LRRC4C: variants seen among roughly 807,000 people sequenced by gnomAD.
LRRC4C encodes the protein leucine-rich repeat-containing protein 4C.
A neutral mutation model predicts 33.6 loss-of-function variants in LRRC4C; 5 were observed. That is an observed-to-expected ratio of 0.15 (90% CI 0.08 to 0.31). The LOEUF (loss-of-function observed/expected upper bound fraction) is 0.31, where lower values mean the gene tolerates loss of function less well. Ranked by LOEUF, LRRC4C falls within the 10% of genes least tolerant of loss-of-function variation. The pLI is 1.00. For missense variants in LRRC4C, 560 were observed against 796.7 expected (o/e 0.70, Z 3.58); for synonymous variants, 329 against 302.0 (o/e 1.09, Z -0.93).
At chr11:41,072,023 A>G (rs1283398468) in intron 1 of LRRC4C, among the ~76,000 whole-genome samples, 1 of 152,096 alleles carries the variant, frequency 6.6e-6, no homozygotes, top group Non-Finnish European at 1.5e-5. Flanking sequence ...AAAAACTTGA[A>G]TGGATGAGGA....
intron 1 of LRRC4C, among the ~76,000 whole-genome samples, chr11:41,027,698 T>A (rs890081095): frequency 6.6e-6 from 1 of 151,694 alleles, no homozygotes; most frequent in Non-Finnish European, 1.5e-5. Context: ...TCTAGGCAAT[T>A]TTCCTAAAGA....
At chr11:41,176,151 C>A (rs1945189641) in intron 1 of LRRC4C, among the ~76,000 whole-genome samples, 1 of 152,140 alleles carries the variant, frequency 6.6e-6, no homozygotes, top group South Asian at 2.1e-4. Context: ...TGCCCAAAAA[C>A]TAACACAAAG....
chr11:41,212,759 C>T lies in LRRC4C; in HGVS notation c.-496+246672G>A, dbSNP rs139476171. On this transcript the variant is annotated intron_variant, in intron 1 of 6. Coordinates refer to ENST00000528697, the MANE Select transcript of LRRC4C (RefSeq NM_001258419.2). Reference sequence around the variant, plus strand: ...CTGCAAAGGACATGATATTGAGCTCCATTTATGTCCCTGCAAAGGACATGA... The same window carrying T: ...CTGCAAAGGACATGATATTGAGCTCTATTTATGTCCCTGCAAAGGACATGA... Among the ~76,000 whole-genome samples, 5 of 152,310 alleles carry T rather than the reference C, an allele frequency of 3.3e-5. No individual in the cohort carries two copies. In the South Asian group the frequency reaches 6.2e-4, roughly 19 times the overall value.
At chr11:40,198,384 GTCCAACGAT>G (rs1337403670) in intron 5 of LRRC4C, among the ~76,000 whole-genome samples, 1 of 152,164 alleles carries the variant, frequency 6.6e-6, no homozygotes, top group Non-Finnish European at 1.5e-5. Flanking sequence ...GGAAATCTAA[GTCCAACGAT>G]TCATTTACTT....
At chr11:40,405,469 C>G (rs1228674257) in intron 3 of LRRC4C, among the ~76,000 whole-genome samples, 2 of 151,542 alleles carry the variant, frequency 1.3e-5, no homozygotes, top group Non-Finnish European at 2.9e-5. Context: ...AACCCCGTCT[C>G]TACTAAAAAA....
intron 2 of LRRC4C, among the ~76,000 whole-genome samples, chr11:40,878,057 T>A (rs1954993693): frequency 6.6e-6 from 1 of 152,122 alleles, no homozygotes; most frequent in Non-Finnish European, 1.5e-5. Flanking sequence ...GTGATGTCTG[T>A]TTTTTAATCA....
chr11:40,501,412 G>A (rs761193781), intron 3 of LRRC4C, among the ~76,000 whole-genome samples: 15 of 152,128 alleles, frequency 9.9e-5, no homozygotes, highest in Non-Finnish European at 1.5e-4. Context: ...GCAGAGGTTC[G>A]CCATGAGTGC....
chr11:40,833,896 T>G (rs1342056220), intron 2 of LRRC4C, among the ~76,000 whole-genome samples: 1 of 152,168 alleles, frequency 6.6e-6, no homozygotes, highest in Non-Finnish European at 1.5e-5. Flanking sequence ...ATGCAAATCG[T>G]TGTATTTCTG....
chr11:40,456,426 A>G (rs886877764), intron 3 of LRRC4C, among the ~76,000 whole-genome samples: 2 of 152,030 alleles, frequency 1.3e-5, no homozygotes, highest in African/African-American at 4.8e-5. Context: ...AAAGTCAAGG[A>G]AATCTCCCAG....
In LRRC4C at chr11:41,281,165, G is replaced by A. The variant is rs554927391; in HGVS notation, c.-496+178266C>T. 2.0e-4 allele frequency among the ~76,000 whole-genome samples: 27 copies of A among 134,736 alleles called. No homozygotes were observed. In the South Asian group the frequency reaches 6.1e-3, roughly 30 times the overall value. The allele number at this position is 134,736 out of a possible 152,430, so 88.4% of individuals were successfully genotyped here. A position where few individuals can be genotyped will look rare whatever the true frequency, so the allele number is the denominator to read the frequency against. On this transcript the variant is annotated intron_variant, in intron 1 of 6. Transcript: ENST00000528697. ...ACATTCTTCCTGGGAATAAATCAAAGCACCCCCAGTAGTGCTAAAATCTAA... is the reference window on the plus strand; with the variant it reads ...ACATTCTTCCTGGGAATAAATCAAAACACCCCCAGTAGTGCTAAAATCTAA...
intron 3 of LRRC4C, among the ~76,000 whole-genome samples, chr11:40,397,028 A>G (rs1949569099): frequency 6.6e-6 from 1 of 152,062 alleles, no homozygotes; most frequent in South Asian, 2.1e-4. Flanking sequence ...TTTAACATAC[A>G]GTAAATTGAA....
At chr11:40,592,730 C>G (rs1017566312) in intron 3 of LRRC4C, among the ~76,000 whole-genome samples, 1 of 152,162 alleles carries the variant, frequency 6.6e-6, no homozygotes, top group African/African-American at 2.4e-5. Context: ...CCAAGACACC[C>G]TGTCATCTCC....
chr11:40,557,082 T>A (rs1184440490), intron 3 of LRRC4C, among the ~76,000 whole-genome samples: 1 of 152,152 alleles, frequency 6.6e-6, no homozygotes, highest in Non-Finnish European at 1.5e-5. Context: ...AAGATTTATA[T>A]ATAGCACTGC....
chr11:40,417,223 G>A (rs573236367), intron 3 of LRRC4C, among the ~76,000 whole-genome samples: 23 of 152,218 alleles, frequency 1.5e-4, no homozygotes, highest in Admixed American at 3.9e-4. Flanking sequence ...CCCGTAGTAT[G>A]GTTTGATTAT....
intron 4 of LRRC4C, among the ~76,000 whole-genome samples, chr11:40,290,935 C>G (rs910334747): frequency 6.6e-6 from 1 of 152,082 alleles, no homozygotes; most frequent in African/African-American, 2.4e-5. Flanking sequence ...ACAGGAGTAG[C>G]CAGGCTATGT....
At chr11:40,266,191 T>G (rs1367587825) in intron 4 of LRRC4C, among the ~76,000 whole-genome samples, 2 of 152,040 alleles carry the variant, frequency 1.3e-5, no homozygotes, top group Non-Finnish European at 2.9e-5. Context: ...CCCAGCTAAC[T>G]CTGGAGGCTG....
intron 3 of LRRC4C, among the ~76,000 whole-genome samples, chr11:40,441,174 A>G (rs1951377182): frequency 6.6e-6 from 1 of 152,114 alleles, no homozygotes; most frequent in Admixed American, 6.5e-5. Flanking sequence ...TAAGGATTTC[A>G]TTCTTATAAC....
At chr11:40,372,758 G>T (rs933781776) in intron 3 of LRRC4C, among the ~76,000 whole-genome samples, 1 of 152,236 alleles carries the variant, frequency 6.6e-6, no homozygotes, top group Non-Finnish European at 1.5e-5. Flanking sequence ...AATGTTTGGT[G>T]ATCAGAAAAG....
chr11:40,521,596 C>T (rs1042893099), intron 3 of LRRC4C, among the ~76,000 whole-genome samples: 5 of 152,064 alleles, frequency 3.3e-5, no homozygotes, highest in East Asian at 1.9e-4. Flanking sequence ...ATAGGCCAGG[C>T]GCGGTGGCTC....
Sources: allele counts gnomAD v4.1 joint callset (sites outside exome capture counted in the v4.1 genomes callset), GRCh38; gene constraint gnomAD v4.1.1; transcripts MANE v1.5; gene names NCBI Gene and HGNC (gene_info 2026-07-23, HGNC 2026-07-21).